Variants in ATRN observed in about 807,000 individuals in gnomAD.
ATRN encodes attractin-2.
ATRN carries 54 observed loss-of-function variants against 178.7 expected under a neutral mutation model. The observed-to-expected ratio is 0.30, with a 90% CI of 0.24 to 0.38. The LOEUF is 0.38. Among genes scored for constraint, ATRN ranks in the 10% least tolerant of loss-of-function variants. ATRN has a pLI of 1.00. For missense variants in ATRN, 1,443 were observed against 1,815.1 expected (o/e 0.79, Z 3.73); for synonymous variants, 636 against 663.0 (o/e 0.96, Z 0.63).
chr20:3,590,057 C>T (rs145575672), intron 18 of ATRN, among the ~76,000 whole-genome samples: 5,812 of 152,278 alleles, frequency 0.038, 148 homozygotes, highest in Non-Finnish European at 0.056. Flanking sequence ...TCAAGCGGTT[C>T]TCCTGCCTCA....
At chr20:3,490,087 G>A (rs1037808441) in intron 1 of ATRN, 34 of 1,336,732 alleles carry the variant, frequency 2.5e-5, no homozygotes, top group Non-Finnish European at 3.4e-5. Context: ...TCAATGTCTC[G>A]CTTGGTGCCC....
At chr20:3,626,817 C>G (rs1254897063) in intron 25 of ATRN, among the ~76,000 whole-genome samples, 7 of 136,100 alleles carry the variant, frequency 5.1e-5, no homozygotes, top group African/African-American at 2.0e-4. Flanking sequence ...TAGTCTCTCT[C>G]TGTCACCCAG....
At chr20:3,498,318 T>C (rs1330233881) in intron 1 of ATRN, among the ~76,000 whole-genome samples, 1 of 152,118 alleles carries the variant, frequency 6.6e-6, no homozygotes, top group Non-Finnish European at 1.5e-5. Flanking sequence ...GGGAATCCTC[T>C]CTAACTCATT....
At chr20:3,620,575 TCCTGAAGTGTGG>T (rs1356022402) in intron 24 of ATRN, among the ~76,000 whole-genome samples, 3 of 152,202 alleles carry the variant, frequency 2.0e-5, no homozygotes, top group African/African-American at 7.2e-5. Flanking sequence ...CTTCAGAGTT[TCCTGAAGTGTGG>T]CCTATGGAGA....
At chr20:3,576,390 A>T (rs1273180557) in intron 13 of ATRN, among the ~76,000 whole-genome samples, 1 of 152,200 alleles carries the variant, frequency 6.6e-6, no homozygotes, top group East Asian at 1.9e-4. Flanking sequence ...CATCATATAT[A>T]GATTTTTAAA....
chr20:3,558,903 G>A (rs905999307), intron 6 of ATRN, among the ~76,000 whole-genome samples: 5 of 151,938 alleles, frequency 3.3e-5, no homozygotes, highest in African/African-American at 1.2e-4. Flanking sequence ...CTTTATATTC[G>A]TAGTACAAGT....
At chr20:3,611,350 C>T (rs913034889) in intron 24 of ATRN, among the ~76,000 whole-genome samples, 3 of 152,104 alleles carry the variant, frequency 2.0e-5, no homozygotes, top group African/African-American at 7.2e-5. Flanking sequence ...AACAAACGAA[C>T]AATTCAGTTA....
intron 24 of ATRN, among the ~76,000 whole-genome samples, chr20:3,610,171 G>A (rs948549108): frequency 7.2e-5 from 11 of 152,164 alleles, no homozygotes; most frequent in African/African-American, 2.7e-4. Flanking sequence ...AGATGTTTTT[G>A]TAGATATAGA....
chr20:3,560,827 G>C lies in ATRN; in HGVS notation c.1369G>C (p.Gly457Arg). 6.2e-7 allele frequency: 1 copy of C among 1,614,128 alleles called. No individual in the cohort carries two copies. Among genetic ancestry groups the C allele is most frequent in the Non-Finnish European group, 8.5e-7 (1 of 1,180,034 alleles). ...HSAHIVTLKNGRVVMLVIFGH... is the reference protein window; with the variant it reads ...HSAHIVTLKNRRVVMLVIFGH... ...TGCACACATTGTTACACTGAAGAAT[G>C]GCCGAGTGGTCATGCTGGTCATCTT... is the stretch of plus-strand genomic sequence containing the variant. The change falls in exon 8 of 29, where the codon GGC becomes CGC. Residue 457 changes from glycine to arginine, a missense_variant. This residue lies in a region of ATRN where 862 missense variants were observed against 972.1 expected (regional missense o/e 0.89). Transcript: ENST00000262919.
At chr20:3,544,189 T>A (rs1448750747) in intron 3 of ATRN, among the ~76,000 whole-genome samples, 1 of 152,184 alleles carries the variant, frequency 6.6e-6, no homozygotes, top group Non-Finnish European at 1.5e-5. Flanking sequence ...GTCCATTGTT[T>A]TGCAGCTTGC....
intron 25 of ATRN, among the ~76,000 whole-genome samples, chr20:3,631,548 C>T (rs910247727): frequency 5.3e-5 from 8 of 152,144 alleles, no homozygotes; most frequent in Non-Finnish European, 1.0e-4. Context: ...AGAGACTCTC[C>T]TCTGCTTGCT....
At chr20:3,490,279 G>A (rs537859012) in intron 1 of ATRN, 16 of 1,241,190 alleles carry the variant, frequency 1.3e-5, no homozygotes, top group Middle Eastern at 5.0e-4. Context: ...AGGAGAAGGC[G>A]GAGAGGTCAA....
At position 3,594,573 on chromosome 20, in the gene ATRN, G is replaced by A; in HGVS notation, c.3416+1G>A. The A allele has an allele frequency of 6.2e-7, 1 of 1,610,542 alleles. No individual in the cohort carries two copies. Among genetic ancestry groups the A allele is most frequent in the African/African-American group, 1.3e-5 (1 of 74,996 alleles). ...GCGTCAAGGGGGACGAGTGCCAGCT[G>A]TGAGTACCATACTCCCTGGACCACC... On this transcript the variant is annotated splice_donor_variant, in intron 20 of 28. Coordinates refer to ENST00000262919, the MANE Select transcript of ATRN (RefSeq NM_139321.3). LOFTEE classifies it high-confidence loss of function.
chr20:3,569,232 A>C (rs2086081509), intron 11 of ATRN, among the ~76,000 whole-genome samples: 1 of 152,154 alleles, frequency 6.6e-6, no homozygotes, highest in Non-Finnish European at 1.5e-5. Context: ...TCCTTAGGCA[A>C]TTTCATCATT....
chr20:3,569,676 A>G (rs1235400577), intron 11 of ATRN, among the ~76,000 whole-genome samples: 3 of 152,360 alleles, frequency 2.0e-5, no homozygotes, highest in African/African-American at 7.2e-5. Flanking sequence ...TGATGGAAAC[A>G]TCGTTATGCA....
intron 24 of ATRN, among the ~76,000 whole-genome samples, chr20:3,615,200 G>T (rs1326860349): frequency 6.6e-6 from 1 of 152,126 alleles, no homozygotes; most frequent in South Asian, 2.1e-4. Context: ...AGGCCGAGGC[G>T]GGCAGATCGC....
intron 24 of ATRN, among the ~76,000 whole-genome samples, chr20:3,612,229 A>G (rs2086777054): frequency 1.3e-5 from 2 of 152,228 alleles, no homozygotes; most frequent in African/African-American, 4.8e-5. Context: ...ACTTTGATAA[A>G]TCCCAAGCAA....
chr20:3,524,886 C>A (rs1287533944), intron 1 of ATRN, among the ~76,000 whole-genome samples: 2 of 152,204 alleles, frequency 1.3e-5, no homozygotes, highest in Admixed American at 1.3e-4. Flanking sequence ...ATACCAGAAT[C>A]TCTGGGACGC....
chr20:3,597,071 T>TATATATATATATATAA lies in ATRN; in HGVS notation c.3469+645_3469+646insTATATATATATAAATA, dbSNP rs11087589. Among the ~76,000 whole-genome samples, 90 of 133,948 alleles carry TATATATATATATATAA rather than the reference T, an allele frequency of 6.7e-4. 2 individuals carry two copies. The highest frequency in any genetic ancestry group is 7.4e-3 in the Middle Eastern group (2 of 270). 87.9% of individuals were successfully genotyped at this position (133,948 alleles called of 152,430 possible). A position where few individuals can be genotyped will look rare whatever the true frequency, so the allele number is the denominator to read the frequency against. On this transcript the variant is annotated intron_variant, in intron 21 of 28. Transcript: ENST00000262919. ...GTGAATATGACTTCATATATATATA[T>TATATATATATATATAA]ATAAAACTTCTAAAAGAAAACAAGA...
Sources: allele counts gnomAD v4.1 joint callset (sites outside exome capture counted in the v4.1 genomes callset), GRCh38; gene constraint gnomAD v4.1.1; regional missense constraint gnomAD v4.1.1; transcripts MANE v1.5; gene names NCBI Gene and HGNC (gene_info 2026-07-23, HGNC 2026-07-21).